WWTR1: variants seen among roughly 807,000 people sequenced by gnomAD.
WWTR1 encodes the protein WW domain-containing transcription regulator protein 1.
WWTR1 carries 13 observed loss-of-function variants against 40.1 expected under a neutral mutation model. That is an observed-to-expected ratio of 0.32 (90% CI 0.21 to 0.52). The LOEUF is 0.52. Among genes scored for constraint, WWTR1 ranks in the 20% least tolerant of loss-of-function variants. The pLI, the probability that WWTR1 is intolerant of heterozygous loss-of-function variation, is 0.97. For missense variants in WWTR1, 436 were observed against 523.1 expected, an observed-to-expected ratio of 0.83 and a Z score of 1.63; for synonymous variants, 230 against 210.1, an observed-to-expected ratio of 1.09 and a Z score of -0.82.
chr3:149,640,909 T>G (rs1712135035), intron 2 of WWTR1, among the ~76,000 whole-genome samples: 1 of 152,234 alleles, frequency 6.6e-6, no homozygotes, highest in South Asian at 2.1e-4. Context: ...GATGTATTCT[T>G]TATTGTGATG....
chr3:149,520,007 A>G lies in WWTR1; in HGVS notation c.*798T>C, dbSNP rs1289150956. Reference sequence around the variant, plus strand: ...CAGATTCTAAGCTGCAATTTTTTAAATCCCCAGTTGTAATATTTCAAAAAC... The same window carrying G: ...CAGATTCTAAGCTGCAATTTTTTAAGTCCCCAGTTGTAATATTTCAAAAAC... On this transcript the variant is annotated 3_prime_UTR_variant, in exon 7 of 7. Transcript: ENST00000360632. 2.0e-5 allele frequency: 3 copies of G among 152,154 alleles called. No homozygotes were observed. The highest frequency in any genetic ancestry group is 4.4e-5 in the Non-Finnish European group (3 of 68,030). 9.4% of individuals were successfully genotyped at this position (152,154 alleles called of 1,614,324 possible).
At chr3:149,562,596 TACAGACACACAC>T (rs1737133134) in intron 3 of WWTR1, among the ~76,000 whole-genome samples, 2 of 90,030 alleles carry the variant, frequency 2.2e-5, no homozygotes, top group African/African-American at 9.0e-5. Context: ...TGCCTTAAAA[TACAGACACACAC>T]ACACACACAC....
At chr3:149,592,407 G>A (rs976125850) in intron 2 of WWTR1, among the ~76,000 whole-genome samples, 1 of 152,048 alleles carries the variant, frequency 6.6e-6, no homozygotes, top group Non-Finnish European at 1.5e-5. Flanking sequence ...TGACACTATG[G>A]CAATATTTTA....
chr3:149,697,339 G>A (rs1357649410), intron 1 of WWTR1, among the ~76,000 whole-genome samples: 2 of 151,204 alleles, frequency 1.3e-5, no homozygotes, highest in Non-Finnish European at 2.9e-5. Context: ...CAGATCTCAT[G>A]TAAAATACCA....
chr3:149,655,380 G>A (rs542917406), intron 2 of WWTR1, among the ~76,000 whole-genome samples: 4 of 152,260 alleles, frequency 2.6e-5, no homozygotes, highest in South Asian at 2.1e-4. Flanking sequence ...AGGGGGCGGA[G>A]GTTGCAGTGA....
At chr3:149,611,981 C>T (rs1739756148) in intron 2 of WWTR1, among the ~76,000 whole-genome samples, 1 of 152,138 alleles carries the variant, frequency 6.6e-6, no homozygotes, top group African/African-American at 2.4e-5. Flanking sequence ...ATTACTATTC[C>T]TACTTGACAA....
In WWTR1 at chr3:149,606,608, C is replaced by G. The variant is rs541617000; in HGVS notation, c.432-33608G>C. Among the ~76,000 whole-genome samples the G allele has an allele frequency of 3.9e-5, 6 of 152,258 alleles. No individual in the cohort carries two copies. In the South Asian group the frequency reaches 1.2e-3, roughly 32 times the overall value. On this transcript the variant is annotated intron_variant, in intron 2 of 6. Coordinates refer to ENST00000360632, the MANE Select transcript of WWTR1 (RefSeq NM_015472.6). ...TTTGTGAGGGGTGGGTAAAATACCA[C>G]TTATAGGCTCATTCAAACCAAGTGC... is the stretch of plus-strand genomic sequence containing the variant.
intron 1 of WWTR1, among the ~76,000 whole-genome samples, chr3:149,677,675 T>A (rs899999309): frequency 3.3e-5 from 5 of 152,024 alleles, no homozygotes; most frequent in African/African-American, 1.2e-4. Flanking sequence ...ACCCCATCTC[T>A]ACTAAAAATA....
intron 4 of WWTR1, among the ~76,000 whole-genome samples, chr3:149,535,589 G>T (rs542507810): frequency 1.3e-5 from 2 of 151,768 alleles, no homozygotes; most frequent in Admixed American, 6.6e-5. Context: ...TGGTCTATTT[G>T]TTGCTCTTTT....
At chr3:149,617,928 TAAAAG>T (rs147469874) in intron 2 of WWTR1, among the ~76,000 whole-genome samples, 6,073 of 152,250 alleles carry the variant, frequency 0.04, 369 homozygotes, top group African/African-American at 0.13. Flanking sequence ...CACCATTGGC[TAAAAG>T]AAAACAACGT....
At chr3:149,711,712 CTCTT>C (rs1428087179) in intron 5 of WWTR1, among the ~76,000 whole-genome samples, 1 of 152,206 alleles carries the variant, frequency 6.6e-6, no homozygotes, top group East Asian at 1.9e-4. Flanking sequence ...TGCCCAGTCT[CTCTT>C]TCTTAAAACA....
At chr3:149,711,362 G>A (rs1715473659) in intron 5 of WWTR1, among the ~76,000 whole-genome samples, 2 of 152,056 alleles carry the variant, frequency 1.3e-5, no homozygotes, top group Admixed American at 1.3e-4. Flanking sequence ...TGATATAATA[G>A]TCAAAAGTAT....
chr3:149,680,922 A>C (rs4681548), intron 1 of WWTR1, among the ~76,000 whole-genome samples: 102,241 of 152,058 alleles, frequency 0.67, 34,543 homozygotes, highest in Middle Eastern at 0.73. Context: ...AAAACCAGTT[A>C]CATACTTACA....
At chr3:149,676,670 A>G (rs1464777168) in intron 1 of WWTR1, among the ~76,000 whole-genome samples, 2 of 152,160 alleles carry the variant, frequency 1.3e-5, no homozygotes, top group Admixed American at 1.3e-4. Flanking sequence ...GCCCATGCGC[A>G]CAGTTAGCTG....
At chr3:149,536,477 A>G (rs148396661) in intron 4 of WWTR1, among the ~76,000 whole-genome samples, 26 of 144,984 alleles carry the variant, frequency 1.8e-4, no homozygotes, top group African/African-American at 6.6e-4. Context: ...ATGACAAAAA[A>G]AAAAAGGGGG....
chr3:149,615,575 T>A (rs1739934368), intron 2 of WWTR1, among the ~76,000 whole-genome samples: 1 of 152,226 alleles, frequency 6.6e-6, no homozygotes, highest in South Asian at 2.1e-4. Flanking sequence ...ATTGCTCCAA[T>A]TACGAATCAG....
At chr3:149,635,405 T>C (rs1711764308) in intron 2 of WWTR1, among the ~76,000 whole-genome samples, 1 of 151,944 alleles carries the variant, frequency 6.6e-6, no homozygotes, top group Non-Finnish European at 1.5e-5. Context: ...AGCCATGAAA[T>C]GGAGTAACGT....
intron 2 of WWTR1, among the ~76,000 whole-genome samples, chr3:149,624,055 C>T (rs376409796): frequency 1.1e-4 from 16 of 152,204 alleles, no homozygotes; most frequent in African/African-American, 2.9e-4. Context: ...CCACATCCCT[C>T]CCCACCACTA....
intron 4 of WWTR1, among the ~76,000 whole-genome samples, chr3:149,538,839 AT>A (rs1299218299): frequency 1.3e-5 from 2 of 152,210 alleles, no homozygotes; most frequent in Non-Finnish European, 2.9e-5. Context: ...TTTAACTTGG[AT>A]TAAAGTTAAT....
Sources: allele counts gnomAD v4.1 joint callset (sites outside exome capture counted in the v4.1 genomes callset), GRCh38; gene constraint gnomAD v4.1.1; transcripts MANE v1.5; gene names NCBI Gene and HGNC (gene_info 2026-07-23, HGNC 2026-07-21).